Variants in GNA14 observed in about 807,000 individuals in gnomAD.
GNA14 encodes G protein subunit alpha 14.
GNA14 carries 50 observed loss-of-function variants against 42.0 expected under a neutral mutation model. The ratio of observed to expected loss-of-function variants is 1.19; its 90% CI spans 0.95 to 1.51. The LOEUF (loss-of-function observed/expected upper bound fraction) is 1.51, where lower values mean the gene tolerates loss of function less well. GNA14 is among the 40% of genes most tolerant of loss of function. The pLI, the probability that GNA14 is intolerant of heterozygous loss-of-function variation, is 0.00. For missense variants in GNA14, 473 were observed against 446.2 expected, an observed-to-expected ratio of 1.06 and a Z score of -0.54; for synonymous variants, 173 against 163.1, an observed-to-expected ratio of 1.06 and a Z score of -0.46.
chr9:77,514,507 C>T (rs944980830), intron 2 of GNA14, among the ~76,000 whole-genome samples: 5 of 151,658 alleles, frequency 3.3e-5, no homozygotes, highest in African/African-American at 7.3e-5. Context: ...TAATGTAATA[C>T]GAAGGATACT....
chr9:77,546,398 C>T (rs1223441874), intron 1 of GNA14, among the ~76,000 whole-genome samples: 1 of 152,000 alleles, frequency 6.6e-6, no homozygotes, highest in Non-Finnish European at 1.5e-5. Context: ...TGTGCCTACT[C>T]AACTTTTTGA....
Position 77,648,167 on chromosome 9 carries a change from A to C in GNA14, c.-374T>G. 1 of 309,490 alleles carries C rather than the reference A, an allele frequency of 3.2e-6. No homozygotes were observed. Among genetic ancestry groups the C allele is most frequent in the Non-Finnish European group, 6.0e-6 (1 of 165,818 alleles). 19.2% of individuals were successfully genotyped at this position (309,490 alleles called of 1,614,324 possible). A position where few individuals can be genotyped will look rare whatever the true frequency, so the allele number is the denominator to read the frequency against. On this transcript the variant is annotated 5_prime_UTR_variant, in exon 1 of 7. Transcript: ENST00000341700. ...GCAGTCGGGGGCGCAGACGAGTTGGAACGTCGGTGCTCGGGGGAGAGTAGG... is the reference window on the plus strand; with the variant it reads ...GCAGTCGGGGGCGCAGACGAGTTGGCACGTCGGTGCTCGGGGGAGAGTAGG...
chr9:77,515,584 G>C (rs982392653), intron 2 of GNA14, among the ~76,000 whole-genome samples: 1 of 152,164 alleles, frequency 6.6e-6, no homozygotes, highest in African/African-American at 2.4e-5. Context: ...GAATTCAAAA[G>C]GTATTTGTTT....
intron 2 of GNA14, among the ~76,000 whole-genome samples, chr9:77,482,264 G>A (rs1836568541): frequency 6.6e-6 from 1 of 152,062 alleles, no homozygotes; most frequent in African/African-American, 2.4e-5. Flanking sequence ...AAATCTCTCA[G>A]CATTTGCTTG....
In GNA14 at chr9:77,512,094, G is replaced by A. The variant is rs181719257; in HGVS notation, c.309+16975C>T. Among the ~76,000 whole-genome samples, 358 of 150,452 alleles carry A rather than the reference G, an allele frequency of 2.4e-3. 1 individual carries two copies. Among genetic ancestry groups the A allele is most frequent in the Non-Finnish European group, 3.7e-3 (249 of 67,670 alleles). On this transcript the variant is annotated intron_variant, in intron 2 of 6. Coordinates refer to ENST00000341700, the MANE Select transcript of GNA14 (RefSeq NM_004297.4). Reference sequence around the variant, plus strand: ...TGCTTGGCCCCCACTGTCCCCCACTGTCCCCCTCACTTTGCCCAGTGTTTC... The same window carrying A: ...TGCTTGGCCCCCACTGTCCCCCACTATCCCCCTCACTTTGCCCAGTGTTTC...
At chr9:77,622,807 T>C (rs1823949662) in intron 1 of GNA14, among the ~76,000 whole-genome samples, 3 of 144,240 alleles carry the variant, frequency 2.1e-5, no homozygotes, top group Admixed American at 1.4e-4. Flanking sequence ...GGCAGGAGAA[T>C]GGTGTGAACC....
intron 1 of GNA14, among the ~76,000 whole-genome samples, chr9:77,556,263 C>T (rs1822778679): frequency 6.6e-6 from 1 of 151,988 alleles, no homozygotes; most frequent in African/African-American, 2.4e-5. Flanking sequence ...AAATAAAGCA[C>T]ACATAAAATG....
intron 1 of GNA14, among the ~76,000 whole-genome samples, chr9:77,599,999 A>AGG (rs1208541221): frequency 2.0e-5 from 3 of 152,258 alleles, no homozygotes; most frequent in Admixed American, 2.0e-4. Flanking sequence ...CTGCATGTAT[A>AGG]ATTAGCTTGA....
chr9:77,452,394 C>T (rs980991952), intron 2 of GNA14, among the ~76,000 whole-genome samples: 4 of 151,994 alleles, frequency 2.6e-5, no homozygotes, highest in African/African-American at 9.7e-5. Context: ...CCAGCGATGC[C>T]TTTATAAGCA....
chr9:77,494,678 C>G (rs2131738865), intron 2 of GNA14, among the ~76,000 whole-genome samples: 1 of 152,290 alleles, frequency 6.6e-6, no homozygotes, highest in Middle Eastern at 3.4e-3. Flanking sequence ...AAATTCATAT[C>G]TACAAGGAAA....
chr9:77,508,734 C>T (rs1205673630), intron 2 of GNA14, among the ~76,000 whole-genome samples: 1 of 152,142 alleles, frequency 6.6e-6, no homozygotes, highest in Non-Finnish European at 1.5e-5. Context: ...GGAGAAATGG[C>T]TGTGTCCAAG....
chr9:77,500,909 C>T (rs981755060), intron 2 of GNA14, among the ~76,000 whole-genome samples: 1 of 151,756 alleles, frequency 6.6e-6, no homozygotes, highest in South Asian at 2.1e-4. Context: ...ATAGTTTTTA[C>T]TTCTCTGGGA....
intron 2 of GNA14, among the ~76,000 whole-genome samples, chr9:77,507,953 G>A (rs962628039): frequency 2.6e-5 from 4 of 152,094 alleles, no homozygotes; most frequent in Non-Finnish European, 5.9e-5. Flanking sequence ...CCTGACCTCA[G>A]GTGATCCACC....
At chr9:77,523,229 C>G (rs770824721) in intron 2 of GNA14, among the ~76,000 whole-genome samples, 1 of 152,118 alleles carries the variant, frequency 6.6e-6, no homozygotes, top group African/African-American at 2.4e-5. Context: ...AAAGAAAATA[C>G]GTTTAATTGG....
chr9:77,461,639 T>C (rs1297880691), intron 2 of GNA14, among the ~76,000 whole-genome samples: 1 of 152,154 alleles, frequency 6.6e-6, no homozygotes, highest in East Asian at 1.9e-4. Context: ...AGGAAGTAAA[T>C]CATCATGGAT....
At chr9:77,462,055 C>A (rs906128483) in intron 2 of GNA14, among the ~76,000 whole-genome samples, 3 of 152,170 alleles carry the variant, frequency 2.0e-5, no homozygotes, top group Admixed American at 6.5e-5. Flanking sequence ...TAGGCTGAGA[C>A]CACTTGTCCA....
intron 1 of GNA14, among the ~76,000 whole-genome samples, chr9:77,576,486 T>C (rs976073864): frequency 1.3e-5 from 2 of 152,182 alleles, no homozygotes; most frequent in African/African-American, 4.8e-5. Context: ...AAGAGTAACA[T>C]CTTCATCTTA....
At chr9:77,480,876 G>C (rs919966730) in intron 2 of GNA14, among the ~76,000 whole-genome samples, 15 of 152,190 alleles carry the variant, frequency 9.9e-5, no homozygotes, top group Non-Finnish European at 1.9e-4. Context: ...TTGTATTTCT[G>C]TGGGATCAGT....
At position 77,423,710 on chromosome 9, in the gene GNA14, A is replaced by G; in HGVS notation, c.*269T>C. 1 of 235,106 alleles carries G rather than the reference A, an allele frequency of 4.3e-6. No individual in the cohort carries two copies. Among genetic ancestry groups the G allele is most frequent in the Non-Finnish European group, 8.1e-6 (1 of 122,722 alleles). 14.6% of individuals were successfully genotyped at this position (235,106 alleles called of 1,614,324 possible). A position where few individuals can be genotyped will look rare whatever the true frequency, so the allele number is the denominator to read the frequency against. On this transcript the variant is annotated 3_prime_UTR_variant, in exon 7 of 7. Transcript: ENST00000341700. ...AAAGTGGCTTTTAAAAATTCTAGAAAACACCAAATTCAAAAATTACACAAA... is the reference window on the plus strand; with the variant it reads ...AAAGTGGCTTTTAAAAATTCTAGAAGACACCAAATTCAAAAATTACACAAA...
Sources: gnomAD v4.1 joint callset for allele counts (sites outside exome capture counted in the v4.1 genomes callset) on GRCh38, gnomAD v4.1.1 for gene constraint, MANE v1.5 for transcripts, NCBI Gene and HGNC (gene_info 2026-07-23, HGNC 2026-07-21) for gene names.